MYT1L: variants seen among roughly 807,000 people sequenced by gnomAD.
MYT1L encodes the protein myelin transcription factor 1-like protein.
A neutral mutation model predicts 126.7 loss-of-function variants in MYT1L; 12 were observed. The observed-to-expected ratio is 0.09, with a 90% CI of 0.06 to 0.15. The LOEUF (loss-of-function observed/expected upper bound fraction) is 0.15. Among genes scored for constraint, MYT1L ranks in the 10% least tolerant of loss-of-function variants. The pLI is 1.00. For missense variants in MYT1L, 979 were observed against 1,585.2 expected, an observed-to-expected ratio of 0.62 and a Z score of 6.49; for synonymous variants, 541 against 604.2, an observed-to-expected ratio of 0.90 and a Z score of 1.53.
intron 1 of MYT1L, among the ~76,000 whole-genome samples, chr2:2,314,829 A>C (rs2149637664): frequency 6.6e-6 from 1 of 152,338 alleles, no homozygotes; most frequent in African/African-American, 2.4e-5. Context: ...AGAAACAGAC[A>C]CATAGAGCAA....
At chr2:1,946,274 A>G (rs1306533433) in intron 8 of MYT1L, among the ~76,000 whole-genome samples, 1 of 152,122 alleles carries the variant, frequency 6.6e-6, no homozygotes, top group Non-Finnish European at 1.5e-5. Flanking sequence ...CTGATTCTAC[A>G]TTATGGTGAG....
chr2:2,058,130 T>C (rs2069858815), intron 3 of MYT1L, among the ~76,000 whole-genome samples: 1 of 152,236 alleles, frequency 6.6e-6, no homozygotes, highest in Non-Finnish European at 1.5e-5. Flanking sequence ...ATGTCACTCA[T>C]TCTAGGTATG....
intron 3 of MYT1L, among the ~76,000 whole-genome samples, chr2:2,158,282 TCTGATTCC>T (rs1027196994): frequency 2.6e-5 from 4 of 152,038 alleles, no homozygotes; most frequent in African/African-American, 9.7e-5. Flanking sequence ...AAAACCCACT[TCTGATTCC>T]CTGCCATTGT....
chr2:2,009,884 C>T (rs1035241078), intron 4 of MYT1L, among the ~76,000 whole-genome samples: 4 of 147,672 alleles, frequency 2.7e-5, no homozygotes, highest in Non-Finnish European at 5.9e-5. Context: ...TCTTCTATAC[C>T]TAAACTGTTA....
chr2:2,022,044 C>T (rs1574586409), intron 4 of MYT1L, among the ~76,000 whole-genome samples: 2 of 152,138 alleles, frequency 1.3e-5, no homozygotes, highest in South Asian at 2.1e-4. Flanking sequence ...ATCTCAGGGT[C>T]GGGAGTCTGC....
At chr2:2,022,018 C>A (rs2065085987) in intron 4 of MYT1L, among the ~76,000 whole-genome samples, 1 of 152,184 alleles carries the variant, frequency 6.6e-6, no homozygotes, top group Non-Finnish European at 1.5e-5. Context: ...TAAGCCAGCA[C>A]AAAAGGGGCT....
intron 8 of MYT1L, among the ~76,000 whole-genome samples, chr2:1,959,283 G>A (rs1282497051): frequency 3.3e-5 from 5 of 152,184 alleles, no homozygotes; most frequent in Non-Finnish European, 5.9e-5. Flanking sequence ...AGCCAGGAAC[G>A]AACATCTGCT....
intron 4 of MYT1L, among the ~76,000 whole-genome samples, chr2:2,042,979 G>A (rs749242653): frequency 1.2e-4 from 18 of 152,160 alleles, no homozygotes; most frequent in Admixed American, 4.6e-4. Context: ...GGGGTGGCAC[G>A]TGTGCTCTTG....
chr2:2,041,626 C>T (rs1325396904), intron 4 of MYT1L, among the ~76,000 whole-genome samples: 1 of 152,172 alleles, frequency 6.6e-6, no homozygotes, highest in Admixed American at 6.5e-5. Context: ...CAGAAGGAGC[C>T]CGTCCCCCAT....
chr2:2,063,539 A>G (rs2150169187), intron 3 of MYT1L, among the ~76,000 whole-genome samples: 1 of 152,204 alleles, frequency 6.6e-6, no homozygotes, highest in East Asian at 1.9e-4. Context: ...GATGACATGA[A>G]CTTGGATTAA....
At chr2:2,317,526 G>C (rs982933651) in intron 1 of MYT1L, among the ~76,000 whole-genome samples, 1 of 151,918 alleles carries the variant, frequency 6.6e-6, no homozygotes, top group Non-Finnish European at 1.5e-5. Context: ...TCTCAATGCA[G>C]GGCTCCTTCA....
At chr2:1,971,494 GCTGAGGCAGGCAGATCAC>G (rs1208517050) in intron 8 of MYT1L, among the ~76,000 whole-genome samples, 1 of 152,204 alleles carries the variant, frequency 6.6e-6, no homozygotes, top group Non-Finnish European at 1.5e-5. Context: ...ACTTTGGGAG[GCTGAGGCAGGCAGATCAC>G]CTGAGGTCAG....
At chr2:2,279,870 C>A (rs1006011787) in intron 2 of MYT1L, among the ~76,000 whole-genome samples, 12 of 152,164 alleles carry the variant, frequency 7.9e-5, no homozygotes, top group African/African-American at 2.9e-4. Context: ...AGGTAGGAAG[C>A]TGTTGTTAGC....
intron 3 of MYT1L, among the ~76,000 whole-genome samples, chr2:2,124,910 C>T (rs1309594516): frequency 3.3e-5 from 5 of 152,214 alleles, no homozygotes; most frequent in Non-Finnish European, 5.9e-5. Flanking sequence ...CACGGTTTCA[C>T]ATCACATCAT....
At chr2:2,099,312 G>A (rs2077780278) in intron 3 of MYT1L, among the ~76,000 whole-genome samples, 1 of 151,854 alleles carries the variant, frequency 6.6e-6, no homozygotes. Context: ...TCTTCCCAGG[G>A]GAGTTTATGC....
intron 8 of MYT1L, among the ~76,000 whole-genome samples, chr2:1,975,070 A>C (rs2060064791): frequency 2.6e-5 from 4 of 152,156 alleles, no homozygotes; most frequent in Admixed American, 2.6e-4. Context: ...TTAAATCATA[A>C]ACTCCTTTTT....
At chr2:2,229,763 C>G (rs566690491) in intron 2 of MYT1L, among the ~76,000 whole-genome samples, 88 of 152,200 alleles carry the variant, frequency 5.8e-4, no homozygotes, top group Non-Finnish European at 1.1e-3. Flanking sequence ...CCAACGCAAG[C>G]AGGCACACAA....
intron 3 of MYT1L, among the ~76,000 whole-genome samples, chr2:2,154,500 T>C (rs540325211): frequency 1.8e-4 from 28 of 152,294 alleles, no homozygotes; most frequent in Admixed American, 1.7e-3. Context: ...TATGCAGCTA[T>C]AAAAAGAATG....
At chr2:1,902,967 G>C in intron 14 of MYT1L, 113 bp downstream of exon 14, 1 of 955,066 alleles carries the variant, frequency 1.0e-6, no homozygotes, top group Non-Finnish European at 1.6e-6. Context: ...TGTTCTTTTG[G>C]TACCCATTGA....
Sources: gnomAD v4.1 joint callset for allele counts (sites outside exome capture counted in the v4.1 genomes callset) on GRCh38, gnomAD v4.1.1 for gene constraint, MANE v1.5 for transcripts, NCBI Gene and HGNC (gene_info 2026-07-23, HGNC 2026-07-21) for gene names.